ITSN2: variants seen among roughly 807,000 people sequenced by gnomAD.
ITSN2 encodes intersectin 2.
ITSN2 carries 156 observed loss-of-function variants against 243.7 expected under a neutral mutation model. That is an observed-to-expected ratio of 0.64 (90% CI 0.56 to 0.73). The LOEUF (loss-of-function observed/expected upper bound fraction) is 0.73. ITSN2 is among the 30% of genes least tolerant of loss of function. The pLI, the probability that ITSN2 is intolerant of heterozygous loss-of-function variation, is 0.00. For missense variants in ITSN2, 1,801 were observed against 1,996.1 expected (o/e 0.90, Z 1.86); for synonymous variants, 703 against 699.9 (o/e 1.00, Z -0.07).
intron 1 of ITSN2, among the ~76,000 whole-genome samples, chr2:24,356,501 A>AC (rs397812033): frequency 1.4e-4 from 21 of 150,420 alleles, no homozygotes; most frequent in Middle Eastern, 3.4e-3. Flanking sequence ...GAAAAAAAAA[A>AC]CCCCACCAAA....
At chr2:24,237,183 A>C (rs1672257430) in intron 29 of ITSN2, among the ~76,000 whole-genome samples, 1 of 152,226 alleles carries the variant, frequency 6.6e-6, no homozygotes, top group Admixed American at 6.5e-5. Context: ...TGTATCTCAA[A>C]AAAGAAAACA....
chr2:24,284,004 T>C (rs1423827132), intron 17 of ITSN2, among the ~76,000 whole-genome samples: 1 of 152,200 alleles, frequency 6.6e-6, no homozygotes, highest in Non-Finnish European at 1.5e-5. Context: ...ACAAATGAAC[T>C]CTACTTATCA....
intron 3 of ITSN2, among the ~76,000 whole-genome samples, chr2:24,314,550 T>C (rs1034951410): frequency 2.6e-5 from 4 of 152,238 alleles, no homozygotes; most frequent in Admixed American, 6.5e-5. Flanking sequence ...GCACTTAGCA[T>C]AGCATCTGGT....
chr2:24,262,809 G>C (rs1028460499), intron 20 of ITSN2, among the ~76,000 whole-genome samples: 1 of 152,018 alleles, frequency 6.6e-6, no homozygotes, highest in Non-Finnish European at 1.5e-5. Context: ...CTTTAAAACT[G>C]AACTTTTCTC....
At chr2:24,237,029 G>C (rs1219727432) in intron 29 of ITSN2, among the ~76,000 whole-genome samples, 2 of 151,894 alleles carry the variant, frequency 1.3e-5, no homozygotes, top group African/African-American at 4.8e-5. Context: ...TTGTAGTGCC[G>C]AAGTTCATTA....
At position 24,279,731 on chromosome 2, in the gene ITSN2, T is replaced by C. The variant is rs1007109246; in HGVS notation, c.1945-3882A>G. On this transcript the variant is annotated intron_variant, in intron 17 of 39. Coordinates refer to ENST00000355123, the MANE Select transcript of ITSN2 (RefSeq NM_006277.3). The stretch of plus-strand genomic sequence containing the variant: ...GCTAAAGATGTGTGAATTTTCTTTT[T>C]TTTTTTTTTTTTTTTTTTTGAGACG... Among the ~76,000 whole-genome samples the C allele has an allele frequency of 1.3e-4, 19 of 141,534 alleles. No individual in the cohort carries two copies. In the East Asian group the frequency reaches 3.2e-3, roughly 24 times the overall value. 92.9% of individuals were successfully genotyped at this position (141,534 alleles called of 152,430 possible).
At chr2:24,329,168 T>C (rs1574331682) in intron 1 of ITSN2, among the ~76,000 whole-genome samples, 1 of 151,984 alleles carries the variant, frequency 6.6e-6, no homozygotes, top group East Asian at 1.9e-4. Flanking sequence ...AAAAGGAGAG[T>C]GCAGTATCAT....
intron 13 of ITSN2, among the ~76,000 whole-genome samples, chr2:24,297,742 C>G (rs1419115713): frequency 6.6e-6 from 1 of 152,162 alleles, no homozygotes. Context: ...AACTGAAAAT[C>G]ACTCAACTAA....
Position 24,212,569 on chromosome 2 carries a change from G to A in ITSN2, c.4089+81C>T. ...TGCAGGGTGAGGTGGCATGCTCAGG[G>A]CTCCCTGAGGATCTGGCCTCTGTGG... On this transcript the variant is annotated intron_variant, in intron 33 of 39. Transcript: ENST00000355123. 5.6e-6 allele frequency: 6 copies of A among 1,076,600 alleles called. No individual in the cohort carries two copies. In the South Asian group the frequency reaches 7.6e-5, roughly 14 times the overall value. The allele number at this position is 1,076,600 out of a possible 1,614,324, so 66.7% of individuals were successfully genotyped here. A position where few individuals can be genotyped will look rare whatever the true frequency, so the allele number is the denominator to read the frequency against.
intron 1 of ITSN2, among the ~76,000 whole-genome samples, chr2:24,359,144 C>T (rs1275217183): frequency 1.3e-5 from 2 of 152,240 alleles, no homozygotes; most frequent in Non-Finnish European, 2.9e-5. Context: ...TTTGGAAGGA[C>T]GTCATTATTA....
intron 17 of ITSN2, among the ~76,000 whole-genome samples, chr2:24,281,155 A>T (rs2151520744): frequency 6.6e-6 from 1 of 152,176 alleles, no homozygotes; most frequent in East Asian, 1.9e-4. Flanking sequence ...CAGCCTCCCG[A>T]GTAGCTGGGA....
chr2:24,274,030 A>C (rs1677705104), intron 18 of ITSN2, among the ~76,000 whole-genome samples: 1 of 152,246 alleles, frequency 6.6e-6, no homozygotes. Flanking sequence ...AATTAAACGC[A>C]TATAACTAGT....
intron 2 of ITSN2, among the ~76,000 whole-genome samples, chr2:24,327,537 G>C (rs1007499835): frequency 1.3e-5 from 2 of 151,734 alleles, no homozygotes; most frequent in Non-Finnish European, 2.9e-5. Flanking sequence ...GACCTCAAGT[G>C]ATCTCCCTCC....
At chr2:24,337,275 A>ATGTGTGTG (rs1553395842) in intron 1 of ITSN2, among the ~76,000 whole-genome samples, 2 of 2,592 alleles carry the variant, frequency 7.7e-4, no homozygotes, top group African/African-American at 1.7e-3. Context: ...GTGTGTCTAT[A>ATGTGTGTG]TGTATGTATG....
chr2:24,230,782 A>T (rs959514376), intron 29 of ITSN2, among the ~76,000 whole-genome samples: 2 of 152,116 alleles, frequency 1.3e-5, no homozygotes, highest in African/African-American at 4.8e-5. Context: ...AAAAAGAAAT[A>T]AAAATAAAAA....
At chr2:24,358,834 C>T (rs951931337) in intron 1 of ITSN2, among the ~76,000 whole-genome samples, 1 of 152,136 alleles carries the variant, frequency 6.6e-6, no homozygotes, top group Non-Finnish European at 1.5e-5. Context: ...TTGAGATGTA[C>T]CGAACAATGG....
chr2:24,210,752 G>A, intron 34 of ITSN2, 28 bp downstream of exon 34: 1 of 1,603,660 alleles, frequency 6.2e-7, no homozygotes, highest in Non-Finnish European at 8.5e-7. Flanking sequence ...CTCCCTGGAG[G>A]CGCACGGCTT....
At chr2:24,286,528 C>G (rs1679532541) in intron 15 of ITSN2, among the ~76,000 whole-genome samples, 177 bp from the exon 16 acceptor site, 1 of 152,134 alleles carries the variant, frequency 6.6e-6, no homozygotes, top group Admixed American at 6.5e-5. Context: ...AGATTATATG[C>G]TGGAAAGAGC....
intron 33 of ITSN2, among the ~76,000 whole-genome samples, chr2:24,212,410 G>A (rs1669572163): frequency 6.6e-6 from 1 of 152,184 alleles, no homozygotes; most frequent in African/African-American, 2.4e-5. Flanking sequence ...AAAGGTGGGT[G>A]ACAGGTTACC....
Sources: allele counts gnomAD v4.1 joint callset (sites outside exome capture counted in the v4.1 genomes callset), GRCh38; gene constraint gnomAD v4.1.1; transcripts MANE v1.5; gene names NCBI Gene and HGNC (gene_info 2026-07-23, HGNC 2026-07-21).